The following ADAMTS12 variants were observed in gnomAD, a reference collection of about 807,000 sequenced individuals.
ADAMTS12 encodes A disintegrin and metalloproteinase with thrombospondin motifs 12.
In ADAMTS12, 118 loss-of-function variants were observed where a neutral mutation model predicts 167.8. The ratio of observed to expected loss-of-function variants is 0.70; its 90% CI spans 0.61 to 0.82. ADAMTS12 has a LOEUF of 0.82. Among genes scored for constraint, ADAMTS12 ranks in the 40% least tolerant of loss-of-function variants. ADAMTS12 has a pLI of 0.00. For missense variants in ADAMTS12, 1,916 were observed against 1,998.8 expected, an observed-to-expected ratio of 0.96 and a Z score of 0.79; for synonymous variants, 704 against 716.9, an observed-to-expected ratio of 0.98 and a Z score of 0.29.
intron 3 of ADAMTS12, among the ~76,000 whole-genome samples, chr5:33,717,156 AG>A (rs1743645934): frequency 6.6e-6 from 1 of 151,670 alleles, no homozygotes; most frequent in Non-Finnish European, 1.5e-5. Context: ...TCCTTGTCAC[AG>A]GAGAGAGGTG....
chr5:33,691,835 T>C (rs1217374300), intron 3 of ADAMTS12, among the ~76,000 whole-genome samples: 1 of 152,224 alleles, frequency 6.6e-6, no homozygotes, highest in Admixed American at 6.5e-5. Context: ...CAGTGCAAAC[T>C]GCTTAAGAGG....
At chr5:33,642,074 A>G (rs1755963742) in intron 10 of ADAMTS12, 119 bp from the exon 11 acceptor site, 3 of 1,034,482 alleles carry the variant, frequency 2.9e-6, no homozygotes, top group South Asian at 4.0e-5. Context: ...CTACAGTCAC[A>G]TATCAGATGT....
At chr5:33,794,125 G>A (rs760856328) in intron 2 of ADAMTS12, among the ~76,000 whole-genome samples, 2 of 152,038 alleles carry the variant, frequency 1.3e-5, no homozygotes, top group Non-Finnish European at 2.9e-5. Flanking sequence ...TCTGTATTTC[G>A]CTCGGCTCAC....
chr5:33,576,080 G>A lies in ADAMTS12; in HGVS notation c.3946C>T (p.His1316Tyr). 1 of 1,614,128 alleles carries A rather than the reference G, an allele frequency of 6.2e-7. No homozygotes were observed. ...KQLTNGHGSA[H>Y]WIVGNWSECS... is the part of the protein sequence containing the mutation. ...TCGCTCCAGTTTCCGACGATCCAGTGTGCAGAGCCGTGGCCGTTTGTGAGC... is the reference window on the plus strand; with the variant it reads ...TCGCTCCAGTTTCCGACGATCCAGTATGCAGAGCCGTGGCCGTTTGTGAGC... Residue 1316 changes from histidine to tyrosine, a missense_variant, in exon 19 of 24, where the codon CAC becomes TAC. His to Tyr is a moderately conservative substitution (Grantham distance 83, BLOSUM62 2). Coordinates refer to ENST00000504830, the MANE Select transcript of ADAMTS12 (RefSeq NM_030955.4).
At chr5:33,846,122 CG>C (rs1177028638) in intron 2 of ADAMTS12, among the ~76,000 whole-genome samples, 1 of 152,132 alleles carries the variant, frequency 6.6e-6, no homozygotes, top group Non-Finnish European at 1.5e-5. Context: ...CATAAGCCAA[CG>C]TCAGACAAAC....
At chr5:33,692,504 A>G (rs1742588163) in intron 3 of ADAMTS12, among the ~76,000 whole-genome samples, 2 of 152,206 alleles carry the variant, frequency 1.3e-5, no homozygotes, top group Non-Finnish European at 2.9e-5. Context: ...TTTTACCCCC[A>G]GCACTTAGAA....
chr5:33,750,830 C>T lies in ADAMTS12; in HGVS notation c.634+574G>A, dbSNP rs984593825. Among the ~76,000 whole-genome samples, 9 of 152,172 alleles carry T rather than the reference C, an allele frequency of 5.9e-5. No homozygotes were observed. In the East Asian group the frequency reaches 7.7e-4, roughly 13 times the overall value. ...ATTCTTGGGGCTTAAGGGCAGGGAA[C>T]GCAGCTCAGCAAACTGCAGACACAA... On this transcript the variant is annotated intron_variant, in intron 3 of 23. Transcript: ENST00000504830.
chr5:33,613,314 A>G (rs1485835780), intron 16 of ADAMTS12, among the ~76,000 whole-genome samples: 2 of 152,252 alleles, frequency 1.3e-5, no homozygotes, highest in Non-Finnish European at 2.9e-5. Context: ...TATAGCCCCA[A>G]GTATTCAGCA....
intron 2 of ADAMTS12, among the ~76,000 whole-genome samples, chr5:33,781,169 CATAGATATAG>C (rs887308930): frequency 4.6e-5 from 7 of 151,892 alleles, no homozygotes; most frequent in Non-Finnish European, 8.8e-5. Flanking sequence ...TTCATACATA[CATAGATATAG>C]ATAGATATAG....
At chr5:33,689,443 C>G (rs12652155) in intron 3 of ADAMTS12, among the ~76,000 whole-genome samples, 34,039 of 151,402 alleles carry the variant, frequency 0.22, 4,023 homozygotes, top group East Asian at 0.42. Flanking sequence ...AGAAGAAGTT[C>G]GACCCCAAAC....
intron 18 of ADAMTS12, among the ~76,000 whole-genome samples, chr5:33,578,616 A>T (rs989092663): frequency 3.9e-5 from 6 of 152,194 alleles, no homozygotes; most frequent in African/African-American, 1.4e-4. Flanking sequence ...GAATGGAAAA[A>T]TTCTCACTCA....
chr5:33,806,995 C>T (rs1747261697), intron 2 of ADAMTS12, among the ~76,000 whole-genome samples: 1 of 152,150 alleles, frequency 6.6e-6, no homozygotes, highest in South Asian at 2.1e-4. Context: ...GTGTCATACC[C>T]CTGTTAAAAC....
chr5:33,654,211 G>GGTT (rs1403398632), intron 7 of ADAMTS12, among the ~76,000 whole-genome samples: 1 of 151,940 alleles, frequency 6.6e-6, no homozygotes, highest in East Asian at 1.9e-4. Flanking sequence ...TTTGTTTAAA[G>GGTT]GTTGTTGATA....
At position 33,751,679 on chromosome 5, in the gene ADAMTS12, C is replaced by A; in HGVS notation, c.490-131G>T. 7.5e-6 allele frequency: 6 copies of A among 804,034 alleles called. No individual in the cohort carries two copies. In the East Asian group the frequency reaches 1.3e-4, roughly 17 times the overall value. 49.8% of individuals were successfully genotyped at this position (804,034 alleles called of 1,614,324 possible). ...ACCAGTGCTTTCAGAGTCTGCTGTT[C>A]GATCTCATAGAAGAGTTACATACAA... On this transcript the variant is annotated intron_variant, in intron 2 of 23. Coordinates refer to ENST00000504830, the MANE Select transcript of ADAMTS12 (RefSeq NM_030955.4).
chr5:33,820,888 G>T (rs941180233), intron 2 of ADAMTS12, among the ~76,000 whole-genome samples: 1 of 152,142 alleles, frequency 6.6e-6, no homozygotes, highest in Non-Finnish European at 1.5e-5. Context: ...ACCAAATACG[G>T]CATGTTCTCA....
intron 2 of ADAMTS12, among the ~76,000 whole-genome samples, chr5:33,839,133 C>T (rs1465437): frequency 0.046 from 7,001 of 152,204 alleles, 280 homozygotes; most frequent in East Asian, 0.17. Flanking sequence ...ATCAAGATCA[C>T]AGGAGCTGAG....
At chr5:33,625,306 A>C (rs1305058022) in intron 13 of ADAMTS12, among the ~76,000 whole-genome samples, 1 of 152,104 alleles carries the variant, frequency 6.6e-6, no homozygotes, top group East Asian at 1.9e-4. Flanking sequence ...AGAGATTTAA[A>C]AAAAAAAACA....
intron 1 of ADAMTS12, among the ~76,000 whole-genome samples, chr5:33,890,709 A>ATGCGTGTGGGTGCT (rs1750812286): frequency 6.6e-6 from 1 of 152,130 alleles, no homozygotes; most frequent in Non-Finnish European, 1.5e-5. Flanking sequence ...GTGTGGGTGC[A>ATGCGTGTGGGTGCT]TATGCGTGTG....
At chr5:33,573,261 T>C (rs1243900403) in intron 19 of ADAMTS12, among the ~76,000 whole-genome samples, 5 of 152,128 alleles carry the variant, frequency 3.3e-5, no homozygotes, top group Admixed American at 1.3e-4. Flanking sequence ...TTAAAGTTCA[T>C]ATGGAACCAA....
Sources: gnomAD v4.1 joint callset for allele counts (sites outside exome capture counted in the v4.1 genomes callset) on GRCh38, gnomAD v4.1.1 for gene constraint, MANE v1.5 for transcripts, NCBI Gene and HGNC (gene_info 2026-07-23, HGNC 2026-07-21) for gene names.